The following DYM variants were observed in gnomAD, a reference collection of about 807,000 sequenced individuals.
DYM encodes the protein dyggve-Melchior-Clausen syndrome protein.
DYM carries 78 observed loss-of-function variants against 93.1 expected under a neutral mutation model. That is an observed-to-expected ratio of 0.84 (90% CI 0.70 to 1.01). DYM has a LOEUF of 1.01. Ranked by LOEUF, DYM falls within the 50% of genes least tolerant of loss-of-function variation. The pLI is 0.00. For missense variants in DYM, 789 were observed against 845.0 expected (o/e 0.93, Z 0.82); for synonymous variants, 321 against 319.7 (o/e 1.00, Z -0.04).
chr18:49,171,743 G>A (rs1047608979), intron 14 of DYM, among the ~76,000 whole-genome samples: 1 of 148,274 alleles, frequency 6.7e-6, no homozygotes. Flanking sequence ...CCATACCACC[G>A]ATTCCACACC....
At chr18:49,437,031 T>C (rs1219930339) in intron 1 of DYM, among the ~76,000 whole-genome samples, 1 of 152,214 alleles carries the variant, frequency 6.6e-6, no homozygotes, top group East Asian at 1.9e-4. Context: ...AACAATACTA[T>C]CAAAGAGTCT....
chr18:49,412,509 G>A (rs1453272910), intron 2 of DYM, among the ~76,000 whole-genome samples: 6 of 152,074 alleles, frequency 3.9e-5, no homozygotes, highest in Non-Finnish European at 8.8e-5. Context: ...CCCTCAATTT[G>A]AAAAATATAA....
chr18:49,345,616 G>T (rs888490884), intron 6 of DYM, among the ~76,000 whole-genome samples: 1 of 152,056 alleles, frequency 6.6e-6, no homozygotes, highest in Admixed American at 6.6e-5. Context: ...GGCCAGTAGG[G>T]CTAGAATAGA....
chr18:49,459,753 C>G (rs1205294397), intron 1 of DYM, among the ~76,000 whole-genome samples: 8 of 152,130 alleles, frequency 5.3e-5, no homozygotes, highest in Admixed American at 5.2e-4. Context: ...TTTACCACAC[C>G]AATACCCTCA....
intron 17 of DYM, among the ~76,000 whole-genome samples, chr18:49,056,846 C>CT (rs2144543009): frequency 6.6e-6 from 1 of 152,342 alleles, no homozygotes; most frequent in East Asian, 1.9e-4. Context: ...CGCGCCCGGC[C>CT]ACACCTGGGT....
intron 1 of DYM, among the ~76,000 whole-genome samples, chr18:49,449,484 A>G (rs2082353655): frequency 6.6e-6 from 1 of 152,230 alleles, no homozygotes; most frequent in Non-Finnish European, 1.5e-5. Flanking sequence ...TTCACAGTGT[A>G]CAATGGTTCC....
Position 49,037,877 on chromosome 18 carries a change from T to C in DYM, c.*6178A>G, listed in dbSNP as rs754798673. 9.9e-5 allele frequency among the ~76,000 whole-genome samples: 15 copies of C among 152,194 alleles called. No homozygotes were observed. Among genetic ancestry groups the C allele is most frequent in the Non-Finnish European group, 1.9e-4 (13 of 68,034 alleles). ...TCTTGCTCTGTCACCCAAGCTGGAGTGCAGTAGTGCAATTATAGCTCACTG... is the reference window on the plus strand; with the variant it reads ...TCTTGCTCTGTCACCCAAGCTGGAGCGCAGTAGTGCAATTATAGCTCACTG... On this transcript the variant is annotated 3_prime_UTR_variant, in exon 18 of 18. Transcript: ENST00000675505.
At chr18:49,333,347 G>A (rs1051464850) in intron 7 of DYM, among the ~76,000 whole-genome samples, 1 of 152,156 alleles carries the variant, frequency 6.6e-6, no homozygotes, top group African/African-American at 2.4e-5. Flanking sequence ...AGAGAGTAAG[G>A]GGGCATAGAT....
chr18:49,085,274 T>G (rs2078407804), intron 17 of DYM, among the ~76,000 whole-genome samples: 1 of 152,240 alleles, frequency 6.6e-6, no homozygotes, highest in Non-Finnish European at 1.5e-5. Flanking sequence ...GTTTAACTTA[T>G]CTAATGCTAA....
intron 6 of DYM, among the ~76,000 whole-genome samples, chr18:49,347,047 T>C (rs956026762): frequency 2.6e-5 from 4 of 152,228 alleles, no homozygotes; most frequent in African/African-American, 9.6e-5. Flanking sequence ...ATGTAATTTA[T>C]TGAACACTGT....
chr18:49,144,151 T>C, intron 15 of DYM, among the ~76,000 whole-genome samples: 1 of 152,140 alleles, frequency 6.6e-6, no homozygotes, highest in East Asian at 1.9e-4. Flanking sequence ...TTTCTCTCTC[T>C]CCTTTCTTAT....
At chr18:49,365,792 G>C (rs767588417) in intron 5 of DYM, among the ~76,000 whole-genome samples, 5 of 152,126 alleles carry the variant, frequency 3.3e-5, no homozygotes, top group Middle Eastern at 3.2e-3. Context: ...GATGGTGCCT[G>C]ATTTGATTTT....
intron 10 of DYM, among the ~76,000 whole-genome samples, chr18:49,277,478 T>C (rs756527303): frequency 6.6e-6 from 1 of 152,168 alleles, no homozygotes; most frequent in Non-Finnish European, 1.5e-5. Context: ...AACTGCACGT[T>C]TGGGCCCCCA....
At chr18:49,153,194 T>A (rs1229698880) in intron 15 of DYM, among the ~76,000 whole-genome samples, 1 of 152,224 alleles carries the variant, frequency 6.6e-6, no homozygotes, top group Non-Finnish European at 1.5e-5. Flanking sequence ...TCACAATGAA[T>A]ACATATAGCA....
chr18:49,396,391 C>T (rs1167515182), intron 2 of DYM, among the ~76,000 whole-genome samples: 2 of 152,112 alleles, frequency 1.3e-5, no homozygotes, highest in Non-Finnish European at 2.9e-5. Flanking sequence ...AGGAGCATTT[C>T]TGATTTCAGA....
At chr18:49,080,345 C>T (rs1180737672) in intron 17 of DYM, among the ~76,000 whole-genome samples, 1 of 134,764 alleles carries the variant, frequency 7.4e-6, no homozygotes, top group Non-Finnish European at 1.6e-5. Context: ...GCTGACCCCC[C>T]CCAACTCCCT....
chr18:49,295,103 C>A (rs1338643512), intron 8 of DYM, among the ~76,000 whole-genome samples: 1 of 152,130 alleles, frequency 6.6e-6, no homozygotes, highest in African/African-American at 2.4e-5. Flanking sequence ...AAAACGACTG[C>A]ATATAAACTG....
At chr18:49,287,697 T>A (rs2059752464) in intron 8 of DYM, among the ~76,000 whole-genome samples, 1 of 151,728 alleles carries the variant, frequency 6.6e-6, no homozygotes, top group Non-Finnish European at 1.5e-5. Flanking sequence ...ACAAAAAAAT[T>A]AGCCAGGCGT....
chr18:49,378,751 A>G, intron 4 of DYM, 51 bp from the exon 5 acceptor site: 1 of 1,589,076 alleles, frequency 6.3e-7, no homozygotes, highest in Non-Finnish European at 8.6e-7. Flanking sequence ...TAAGCACCAT[A>G]GTTTATTTCT....
Sources: gnomAD v4.1 joint callset for allele counts (sites outside exome capture counted in the v4.1 genomes callset) on GRCh38, gnomAD v4.1.1 for gene constraint, MANE v1.5 for transcripts, NCBI Gene and HGNC (gene_info 2026-07-23, HGNC 2026-07-21) for gene names.